NCMAP: variants seen among roughly 807,000 people sequenced by gnomAD.
NCMAP encodes the protein noncompact myelin-associated protein.
NCMAP carries 8 observed loss-of-function variants against 7.8 expected under a neutral mutation model. That is an observed-to-expected ratio of 1.02 (90% CI 0.60 to 1.84). NCMAP has a LOEUF of 1.84. Among genes scored for constraint, NCMAP ranks in the 40% most tolerant of loss-of-function variants. NCMAP has a pLI of 0.00. For synonymous variants in NCMAP, 41 were observed against 52.9 expected (o/e 0.78, Z 0.98); for missense variants, 112 against 131.4 (o/e 0.85, Z 0.72).
At chr1:24,574,864 C>T (rs1184876464) in intron 1 of NCMAP, among the ~76,000 whole-genome samples, 1 of 147,804 alleles carries the variant, frequency 6.8e-6, no homozygotes, top group African/African-American at 2.5e-5. Context: ...GGCATGATCT[C>T]GGCTCACTGC....
At chr1:24,588,680 A>G (rs543362992) in intron 1 of NCMAP, among the ~76,000 whole-genome samples, 23 of 152,168 alleles carry the variant, frequency 1.5e-4, no homozygotes, top group Non-Finnish European at 3.2e-4. Context: ...TCACTTCCCA[A>G]ACTCGCCTCC....
intron 3 of NCMAP, among the ~76,000 whole-genome samples, chr1:24,602,872 C>G (rs79864682): frequency 0.054 from 8,216 of 151,806 alleles, 770 homozygotes; most frequent in African/African-American, 0.19. Context: ...AACCCCATCT[C>G]TACTGAAAAT....
At position 24,576,538 on chromosome 1, in the gene NCMAP, G is replaced by A. The variant is rs1053021829; in HGVS notation, c.-7-18886G>A. On this transcript the variant is annotated intron_variant, in intron 1 of 3. Coordinates refer to ENST00000374392, the MANE Select transcript of NCMAP (RefSeq NM_001010980.5). The surrounding 1 kb of genome is among the most constrained non-coding windows in gnomAD (Gnocchi z 4.0). Reference sequence around the variant, plus strand: ...GAGGCAAACAAGCCTCGGGGAGGGTGTCCTGAACCAAGTGAGAGGCTGGAA... The same window carrying A: ...GAGGCAAACAAGCCTCGGGGAGGGTATCCTGAACCAAGTGAGAGGCTGGAA... Among the ~76,000 whole-genome samples, 1 of 152,168 alleles carries A rather than the reference G, an allele frequency of 6.6e-6. No homozygotes were observed. The highest frequency in any genetic ancestry group is 2.4e-5 in the African/African-American group (1 of 41,450).
At chr1:24,588,896 G>T (rs12135459) in intron 1 of NCMAP, among the ~76,000 whole-genome samples, 1 of 152,168 alleles carries the variant, frequency 6.6e-6, no homozygotes, top group Non-Finnish European at 1.5e-5. Flanking sequence ...TTTCATCAAA[G>T]CCCCACATTG....
intron 1 of NCMAP, among the ~76,000 whole-genome samples, chr1:24,570,883 A>G (rs1396176050): frequency 1.3e-5 from 2 of 150,910 alleles, no homozygotes. Context: ...TGAACAAATG[A>G]ATGAGTTGGT....
At chr1:24,561,178 C>CAAAAAAAAAAAA (rs755072214) in intron 1 of NCMAP, among the ~76,000 whole-genome samples, 200 of 102,716 alleles carry the variant, frequency 1.9e-3, no homozygotes, top group Non-Finnish European at 2.7e-3. Flanking sequence ...ACTAAAAATA[C>CAAAAAAAAAAAA]AAAAAAAAAA....
intron 2 of NCMAP, among the ~76,000 whole-genome samples, chr1:24,599,827 C>T (rs1233196702): frequency 2.8e-5 from 2 of 72,228 alleles, no homozygotes; most frequent in African/African-American, 4.9e-5. Flanking sequence ...CCGCCCCCCC[C>T]CCCCCCCCCC....
intron 1 of NCMAP, among the ~76,000 whole-genome samples, chr1:24,588,919 G>A (rs12135461): frequency 1.3e-5 from 2 of 152,304 alleles, no homozygotes; most frequent in East Asian, 3.9e-4. Context: ...TTGGGCCCTG[G>A]ATGCTGGGCC....
chr1:24,601,480 A>G lies in NCMAP; in HGVS notation c.167+456A>G, dbSNP rs143163947. 5.2e-5 allele frequency among the ~76,000 whole-genome samples: 8 copies of G among 152,388 alleles called. No homozygotes were observed. The East Asian group carries it at 1.5e-3, about 29-fold the overall frequency. On this transcript the variant is annotated intron_variant, in intron 3 of 3. Transcript: ENST00000374392. ...TTTGATCATACAAAAAATAAATTTT[A>G]TATGTTATCACCTTATGTGTAATTA...
At chr1:24,601,126 T>C in intron 3 of NCMAP, 102 bp downstream of exon 3, 1 of 914,242 alleles carries the variant, frequency 1.1e-6, no homozygotes. Flanking sequence ...CCTGGCAGTA[T>C]CCCTCAGCCT....
intron 1 of NCMAP, among the ~76,000 whole-genome samples, chr1:24,560,637 G>A (rs35878506): frequency 0.01 from 1,539 of 152,096 alleles, 11 homozygotes; most frequent in Non-Finnish European, 0.015. Context: ...CCAGCTCCTC[G>A]GGAGGCTGAG....
intron 1 of NCMAP, among the ~76,000 whole-genome samples, chr1:24,577,149 A>G (rs1651585793): frequency 6.6e-6 from 1 of 152,172 alleles, no homozygotes. Flanking sequence ...AAAAAAAATA[A>G]AAATAAAAAT....
In NCMAP at chr1:24,576,570, C is replaced by T. The variant is rs1651566045; in HGVS notation, c.-7-18854C>T. Among the ~76,000 whole-genome samples the T allele has an allele frequency of 6.6e-6, 1 of 152,074 alleles. No individual in the cohort carries two copies. Among genetic ancestry groups the T allele is most frequent in the African/African-American group, 2.4e-5 (1 of 41,408 alleles). On this transcript the variant is annotated intron_variant, in intron 1 of 3. Transcript: ENST00000374392. This position sits in a 1 kb window ranked among gnomAD's most constrained non-coding sequence, Gnocchi z 4.0. ...ACCAAGTGAGAGGCTGGAAGAGTCA[C>T]AAGGAGGAAGGGGCCAGAGAGGGAG...
At chr1:24,573,735 C>T (rs749778532) in intron 1 of NCMAP, among the ~76,000 whole-genome samples, 60 of 150,176 alleles carry the variant, frequency 4.0e-4, no homozygotes, top group Non-Finnish European at 6.2e-4. Flanking sequence ...CCCAGGAGTT[C>T]GAGACCAGCC....
At chr1:24,586,282 G>A (rs973959830) in intron 1 of NCMAP, among the ~76,000 whole-genome samples, 1 of 152,118 alleles carries the variant, frequency 6.6e-6, no homozygotes, top group African/African-American at 2.4e-5. Flanking sequence ...CAGGAGGAGC[G>A]GAAATGTCTC....
At chr1:24,596,106 AC>A (rs1288427821) in intron 2 of NCMAP, among the ~76,000 whole-genome samples, 1 of 151,836 alleles carries the variant, frequency 6.6e-6, no homozygotes, top group East Asian at 1.9e-4. Context: ...AAATAGTGAA[AC>A]CCCATCTCTA....
In NCMAP at chr1:24,606,821, A is replaced by T. The variant is rs1057382542; in HGVS notation, c.*1074A>T. ...CTGGTTGTGTGGCCTTGGAAAAGTG[A>T]CTCAACCTCTTTATATTCAGTTTCC... On this transcript the variant is annotated 3_prime_UTR_variant, in exon 4 of 4. Coordinates refer to ENST00000374392, the MANE Select transcript of NCMAP (RefSeq NM_001010980.5). 17 of 152,088 alleles carry T rather than the reference A, an allele frequency of 1.1e-4. No individual in the cohort carries two copies. The highest frequency in any genetic ancestry group is 4.1e-4 in the African/African-American group (17 of 41,402). 9.4% of individuals were successfully genotyped at this position (152,088 alleles called of 1,614,324 possible). A position where few individuals can be genotyped will look rare whatever the true frequency, so the allele number is the denominator to read the frequency against.
At chr1:24,598,080 C>A (rs1329944886) in intron 2 of NCMAP, among the ~76,000 whole-genome samples, 2 of 152,000 alleles carry the variant, frequency 1.3e-5, no homozygotes, top group Non-Finnish European at 2.9e-5. Flanking sequence ...AAAGAATTAG[C>A]CAGCTGAGGT....
intron 1 of NCMAP, among the ~76,000 whole-genome samples, chr1:24,591,187 G>C (rs1359311097): frequency 6.6e-6 from 1 of 152,216 alleles, no homozygotes. Flanking sequence ...TCTTTGCAGG[G>C]AGCTGCTGTG....
Sources: allele counts gnomAD v4.1 joint callset (sites outside exome capture counted in the v4.1 genomes callset), GRCh38; gene constraint gnomAD v4.1.1; non-coding constraint Gnocchi (gnomAD v3.1); transcripts MANE v1.5; gene names NCBI Gene and HGNC (gene_info 2026-07-23, HGNC 2026-07-21).